The following STON2 variants were observed in gnomAD, a reference collection of about 807,000 sequenced individuals.
STON2 encodes the protein stonin-2.
In STON2, 29 loss-of-function variants were observed where a neutral mutation model predicts 65.7. The observed-to-expected ratio is 0.44, with a 90% CI of 0.33 to 0.60. The LOEUF is 0.60. STON2 is among the 20% of genes least tolerant of loss of function. The probability of loss-of-function intolerance (pLI) is 0.03; values close to 1 mark genes in which losing one functional copy is unlikely to be tolerated. For synonymous variants in STON2, 404 were observed against 414.2 expected (o/e 0.98, Z 0.30); for missense variants, 1,054 against 1,118.1 (o/e 0.94, Z 0.82).
intron 4 of STON2, among the ~76,000 whole-genome samples, chr14:81,364,865 G>A (rs1293823267): frequency 2.6e-5 from 4 of 152,094 alleles, no homozygotes; most frequent in South Asian, 2.1e-4. Context: ...TTAGCCACCC[G>A]TATGGTAAAT....
intron 5 of STON2, among the ~76,000 whole-genome samples, chr14:81,307,658 C>T (rs1221128631): frequency 2.0e-5 from 3 of 152,172 alleles, no homozygotes; most frequent in Non-Finnish European, 4.4e-5. Context: ...GCCTCTGCCA[C>T]CCCAGACAAC....
At chr14:81,292,820 T>A (rs1566893039) in intron 5 of STON2, among the ~76,000 whole-genome samples, 1 of 152,198 alleles carries the variant, frequency 6.6e-6, no homozygotes, top group Admixed American at 6.5e-5. Flanking sequence ...CAGGCTGAGA[T>A]TACTACTTTT....
chr14:81,435,483 C>T (rs1902381258), intron 1 of STON2, among the ~76,000 whole-genome samples: 1 of 152,162 alleles, frequency 6.6e-6, no homozygotes. Flanking sequence ...ATCATTATCG[C>T]CACCTTACAG....
Position 81,413,002 on chromosome 14 carries a change from G to A in STON2, c.-199+14100C>T, listed in dbSNP as rs145585671. The stretch of plus-strand genomic sequence containing the variant: ...ACCAAAAGGCCGTGATCAAAAATGC[G>A]GACATGTCGGAAGAGACGCAGCAGA... On this transcript the variant is annotated intron_variant, in intron 2 of 8. Transcript: ENST00000553821. The A allele has an allele frequency of 9.7e-4, 1,065 of 1,095,600 alleles. 234 individuals are homozygous for A. The South Asian group carries it at 9.8e-3, about 10-fold the overall frequency. The allele number at this position is 1,095,600 out of a possible 1,614,324, so 67.9% of individuals were successfully genotyped here.
Position 81,356,675 on chromosome 14 carries a change from A to G in STON2, c.571+14313T>C, listed in dbSNP as rs1898248898. On this transcript the variant is annotated intron_variant, in intron 4 of 7. Coordinates refer to ENST00000614646, the MANE Select transcript of STON2 (RefSeq NM_001394390.1). Reference sequence around the variant, plus strand: ...GGTTGGTAAGCTATTGATTATTGCCACAATTTCAGCTCCTGTTATTGGTCT... The same window carrying G: ...GGTTGGTAAGCTATTGATTATTGCCGCAATTTCAGCTCCTGTTATTGGTCT... Among the ~76,000 whole-genome samples the G allele has an allele frequency of 5.9e-5, 9 of 152,250 alleles. No individual in the cohort carries two copies. The South Asian group carries it at 1.9e-3, about 32-fold the overall frequency.
chr14:81,264,791 A>ATTC lies in STON2; in HGVS notation c.*3622_*3623insGAA, dbSNP rs1195947096. ...AATATTTAATATGAATGAAATGCAA[A>ATTC]CTTTTGATAAGGAATAACTAGTACT... On this transcript the variant is annotated 3_prime_UTR_variant, in exon 8 of 8. Transcript: ENST00000614646. 1 of 985,346 alleles carries ATTC rather than the reference A, an allele frequency of 1.0e-6. No homozygotes were observed. The highest frequency in any genetic ancestry group is 1.2e-6 in the Non-Finnish European group (1 of 829,948). The allele number at this position is 985,346 out of a possible 1,614,324, so 61.0% of individuals were successfully genotyped here.
At chr14:81,345,752 C>T (rs1036758020) in intron 4 of STON2, among the ~76,000 whole-genome samples, 1 of 151,420 alleles carries the variant, frequency 6.6e-6, no homozygotes, top group African/African-American at 2.4e-5. Context: ...CAGAGCCAGA[C>T]TTTGTCTCAA....
intron 4 of STON2, among the ~76,000 whole-genome samples, chr14:81,347,628 A>AC (rs1483767733): frequency 6.0e-5 from 9 of 149,696 alleles, no homozygotes; most frequent in Non-Finnish European, 7.4e-5. Context: ...AAAAAAAAAA[A>AC]AAAAAAAAAC....
chr14:81,431,030 T>C (rs1359557830), intron 1 of STON2, among the ~76,000 whole-genome samples: 2 of 152,142 alleles, frequency 1.3e-5, no homozygotes, highest in Non-Finnish European at 2.9e-5. Flanking sequence ...TAGTTCACCA[T>C]AGAATAGATC....
intron 3 of STON2, among the ~76,000 whole-genome samples, chr14:81,376,130 AAGATACAAAAGT>A (rs1220322110): frequency 6.6e-6 from 1 of 151,880 alleles, no homozygotes; most frequent in African/African-American, 2.4e-5. Flanking sequence ...CCAATTTATT[AAGATACAAAAGT>A]AGAGCAAAAT....
intron 3 of STON2, among the ~76,000 whole-genome samples, chr14:81,384,791 AATACAT>A (rs1342101637): frequency 6.6e-6 from 1 of 152,188 alleles, no homozygotes; most frequent in African/African-American, 2.4e-5. Flanking sequence ...TAAAATTTTA[AATACAT>A]ATATTTTGAT....
chr14:81,413,228 A>C, intron 2 of STON2: 3 of 1,544,110 alleles, frequency 1.9e-6, no homozygotes, highest in Non-Finnish European at 2.6e-6. Flanking sequence ...TCTTCTGTTC[A>C]AATCTGGTTA....
chr14:81,267,136 G>C lies in STON2; in HGVS notation c.*1278C>G. The stretch of plus-strand genomic sequence containing the variant: ...GTCCCCCGACTTGTATTCTTCATGG[G>C]AGAAAACACTAAGATACAAATAAGA... On this transcript the variant is annotated 3_prime_UTR_variant, in exon 8 of 8. Transcript: ENST00000614646. 1 of 985,266 alleles carries C rather than the reference G, an allele frequency of 1.0e-6. No homozygotes were observed. Among genetic ancestry groups the C allele is most frequent in the South Asian group, 4.7e-5 (1 of 21,272 alleles). 61.0% of individuals were successfully genotyped at this position (985,266 alleles called of 1,614,324 possible).
chr14:81,410,030 T>C (rs1281781412), intron 2 of STON2, among the ~76,000 whole-genome samples: 2 of 152,094 alleles, frequency 1.3e-5, no homozygotes, highest in Admixed American at 6.5e-5. Context: ...GACAGATTAG[T>C]TCATACAGCT....
intron 4 of STON2, among the ~76,000 whole-genome samples, chr14:81,365,306 G>C (rs1898670957): frequency 6.6e-6 from 1 of 152,056 alleles, no homozygotes. Flanking sequence ...ACAGGGGTTT[G>C]GCAGACCACC....
chr14:81,338,231 T>C (rs564694123), intron 4 of STON2, among the ~76,000 whole-genome samples: 8 of 152,122 alleles, frequency 5.3e-5, no homozygotes, highest in Non-Finnish European at 1.0e-4. Context: ...GATGAAAGGA[T>C]TGGAACTTGC....
intron 3 of STON2, among the ~76,000 whole-genome samples, chr14:81,388,602 G>A (rs1040317607): frequency 6.6e-6 from 1 of 152,172 alleles, no homozygotes; most frequent in Non-Finnish European, 1.5e-5. Flanking sequence ...TAACTCCACT[G>A]TGCCTACAGC....
chr14:81,409,190 A>T (rs1901026171), intron 2 of STON2, among the ~76,000 whole-genome samples: 1 of 152,148 alleles, frequency 6.6e-6, no homozygotes, highest in Non-Finnish European at 1.5e-5. Flanking sequence ...GGATCACTTG[A>T]GATCAGGATT....
chr14:81,351,925 T>A (rs1898038677), intron 4 of STON2, among the ~76,000 whole-genome samples: 1 of 152,228 alleles, frequency 6.6e-6, no homozygotes, highest in Admixed American at 6.5e-5. Context: ...AAGCAGGGAT[T>A]CTTAGCTTGT....
Sources: gnomAD v4.1 joint callset for allele counts (sites outside exome capture counted in the v4.1 genomes callset) on GRCh38, gnomAD v4.1.1 for gene constraint, MANE v1.5 for transcripts, NCBI Gene and HGNC (gene_info 2026-07-23, HGNC 2026-07-21) for gene names.